The following FRAS1 variants were observed in gnomAD, a reference collection of about 807,000 sequenced individuals.
FRAS1 encodes the protein Fraser extracellular matrix complex subunit 1.
A neutral mutation model predicts 435.2 loss-of-function variants in FRAS1; 290 were observed. That is an observed-to-expected ratio of 0.67 (90% CI 0.61 to 0.73). The LOEUF is 0.73. FRAS1 is among the 30% of genes least tolerant of loss of function. The pLI, the probability that FRAS1 is intolerant of heterozygous loss-of-function variation, is 0.00. For synonymous variants in FRAS1, 1,800 were observed against 1,851.0 expected (o/e 0.97, Z 0.71); for missense variants, 4,860 against 5,001.5 (o/e 0.97, Z 0.85).
At chr4:78,476,200 CT>C (rs1719847704) in intron 54 of FRAS1, among the ~76,000 whole-genome samples, 2 of 152,246 alleles carry the variant, frequency 1.3e-5, no homozygotes, top group Middle Eastern at 6.8e-3. Flanking sequence ...CGTGACTTTG[CT>C]TTGGCTATGT....
At chr4:78,446,539 G>C in intron 42 of FRAS1, 188 bp from the exon 43 acceptor site, 9 of 1,365,576 alleles carry the variant, frequency 6.6e-6, no homozygotes, top group Non-Finnish European at 8.4e-6. Flanking sequence ...CTTTTGAAGG[G>C]GGCATTTTGT....
chr4:78,482,510 T>G lies in FRAS1; in HGVS notation c.8727T>G (p.Ile2909Met). The G allele has an allele frequency of 6.2e-7, 1 of 1,613,856 alleles. No homozygotes were observed. Residue 2909 changes from isoleucine to methionine, a missense_variant, in exon 58 of 74, where the codon ATT becomes ATG. By Grantham distance (10) the Ile-to-Met change is conservative (BLOSUM62 1). Coordinates refer to ENST00000512123, the MANE Select transcript of FRAS1 (RefSeq NM_025074.7). ...AELTKPFQAVIAINDTFQDVP... is the reference protein window; with the variant it reads ...AELTKPFQAVMAINDTFQDVP... ...TGACCAAACCCTTCCAGGCAGTCAT[T>G]GCAATTAATGACACATTCCAAGATG...
intron 38 of FRAS1, among the ~76,000 whole-genome samples, chr4:78,433,928 G>A (rs1734311603): frequency 6.6e-6 from 1 of 152,162 alleles, no homozygotes; most frequent in South Asian, 2.1e-4. Flanking sequence ...TTGATTGAAT[G>A]TGAATTTACC....
chr4:78,212,690 A>C (rs1246897242), intron 2 of FRAS1, among the ~76,000 whole-genome samples: 1 of 152,236 alleles, frequency 6.6e-6, no homozygotes, highest in Non-Finnish European at 1.5e-5. Flanking sequence ...AGAATTTCCA[A>C]CACTGAGCTT....
chr4:78,139,030 T>C (rs1167033620), intron 2 of FRAS1, among the ~76,000 whole-genome samples: 1 of 152,192 alleles, frequency 6.6e-6, no homozygotes, highest in Non-Finnish European at 1.5e-5. Context: ...ATTAGAATGA[T>C]CCAGCTTACT....
chr4:78,384,003 G>T, intron 27 of FRAS1, 56 bp from the exon 28 acceptor site: 1 of 1,319,162 alleles, frequency 7.6e-7, no homozygotes, highest in Non-Finnish European at 1.1e-6. Flanking sequence ...CCTTTTCTGT[G>T]TAAAGTCTAA....
intron 2 of FRAS1, among the ~76,000 whole-genome samples, chr4:78,163,903 T>C (rs1376237836): frequency 6.6e-6 from 1 of 152,214 alleles, no homozygotes; most frequent in African/African-American, 2.4e-5. Flanking sequence ...GAGTTGGGCA[T>C]GGCCACATCT....
intron 11 of FRAS1, among the ~76,000 whole-genome samples, chr4:78,281,895 C>T (rs895026153): frequency 2.0e-5 from 3 of 152,124 alleles, no homozygotes; most frequent in Non-Finnish European, 2.9e-5. Flanking sequence ...AAAATGCAAG[C>T]GTTTAACACA....
At position 78,472,335 on chromosome 4, in the gene FRAS1, G is replaced by A; in HGVS notation, c.7522+5G>A. 4 of 1,593,690 alleles carry A rather than the reference G, an allele frequency of 2.5e-6. No homozygotes were observed. Among genetic ancestry groups the A allele is most frequent in the Middle Eastern group, 1.7e-4 (1 of 5,984 alleles). ...CTGCTGCCACTTTCACCCAGGGTGG[G>A]GACTCTCTGGGAACTTAGAAATGGG... is the stretch of plus-strand genomic sequence containing the variant. On this transcript the variant is annotated splice_donor_5th_base_variant and intron_variant, in intron 52 of 73. Transcript: ENST00000512123.
Position 78,173,740 on chromosome 4 carries a change from A to G in FRAS1, c.109-63770A>G, listed in dbSNP as rs917770380. On this transcript the variant is annotated intron_variant, in intron 2 of 73. Transcript: ENST00000512123. ...TTACTGATTAGTGTTAAGCACTAAC[A>G]AATCTTAACAGGCGGCACTATGTGA... 4.6e-5 allele frequency among the ~76,000 whole-genome samples: 7 copies of G among 152,358 alleles called. No homozygotes were observed. The East Asian group carries it at 1.2e-3, about 25-fold the overall frequency.
chr4:78,345,688 T>C (rs756743603), intron 20 of FRAS1, among the ~76,000 whole-genome samples: 3 of 152,102 alleles, frequency 2.0e-5, no homozygotes, highest in Non-Finnish European at 4.4e-5. Flanking sequence ...ATATCCACCC[T>C]CTCTACAGAA....
chr4:78,192,279 GA>G (rs1214182345), intron 2 of FRAS1, among the ~76,000 whole-genome samples: 1 of 152,162 alleles, frequency 6.6e-6, no homozygotes, highest in Admixed American at 6.6e-5. Context: ...TTAGTATCAG[GA>G]TGATGCTGGC....
At chr4:78,431,187 A>G (rs563624228) in intron 37 of FRAS1, among the ~76,000 whole-genome samples, 25 of 152,154 alleles carry the variant, frequency 1.6e-4, no homozygotes, top group Non-Finnish European at 2.9e-4. Context: ...AATCTTTGCT[A>G]CTGATGGTAG....
chr4:78,203,820 G>A lies in FRAS1; in HGVS notation c.109-33690G>A, dbSNP rs528133882. ...TGACCTCAGGTGATCCGCCCGCCTC[G>A]GGCTCCCAAAGTGCTGGGATTACAG... On this transcript the variant is annotated intron_variant, in intron 2 of 73. Transcript: ENST00000512123. 5.1e-4 allele frequency among the ~76,000 whole-genome samples: 78 copies of A among 152,120 alleles called. 1 individual carries two copies. The highest frequency in any genetic ancestry group is 1.8e-3 in the African/African-American group (73 of 41,506).
At chr4:78,177,007 A>ATTGCCAATAGG (rs1471347130) in intron 2 of FRAS1, among the ~76,000 whole-genome samples, 2 of 152,134 alleles carry the variant, frequency 1.3e-5, no homozygotes, top group African/African-American at 4.8e-5. Context: ...TGTCCCAACA[A>ATTGCCAATAGG]TTGCCAATAG....
intron 27 of FRAS1, among the ~76,000 whole-genome samples, chr4:78,381,998 C>T (rs975639922): frequency 1.3e-5 from 2 of 152,180 alleles, no homozygotes; most frequent in African/African-American, 2.4e-5. Flanking sequence ...AACAAAAGGG[C>T]AACCTGCCAC....
chr4:78,105,585 A>G (rs940589128), intron 2 of FRAS1, among the ~76,000 whole-genome samples: 1 of 152,218 alleles, frequency 6.6e-6, no homozygotes, highest in African/African-American at 2.4e-5. Flanking sequence ...GTTTGACAAG[A>G]GATGGGGGAG....
chr4:78,520,336 A>G (rs1721349562), intron 67 of FRAS1, among the ~76,000 whole-genome samples: 2 of 150,896 alleles, frequency 1.3e-5, no homozygotes, highest in African/African-American at 4.9e-5. Context: ...CATTTCCCCT[A>G]AATTCTGCTG....
rs6838959 is a variant in FRAS1 at position 78,284,435 on chromosome 4, C to A, written c.1286C>A (p.Ser429Tyr). 2.7e-3 allele frequency: 4,329 copies of A among 1,613,836 alleles called. 100 individuals carry two copies. The African/African-American group carries it at 0.047, about 18-fold the overall frequency. ...TGCCATCCAGATTGTTTGACATGCT[C>A]TCAGTCTCCAGACCACTGTGACCTC... is the stretch of plus-strand genomic sequence containing the variant. ...VHCHPDCLTC[S>Y]QSPDHCDLCQ... is the part of the protein sequence containing the mutation. The change falls in exon 13 of 74, where the codon TCT becomes TAT. Residue 429 changes from serine (S) to tyrosine (Y), a missense_variant. Transcript: ENST00000512123.
Sources: allele counts gnomAD v4.1 joint callset (sites outside exome capture counted in the v4.1 genomes callset), GRCh38; gene constraint gnomAD v4.1.1; transcripts MANE v1.5; gene names NCBI Gene and HGNC (gene_info 2026-07-23, HGNC 2026-07-21).